KIF13B: variants seen among roughly 807,000 people sequenced by gnomAD.
KIF13B encodes the protein kinesin family member 13B, also known as kinesin-like protein KIF13B.
Under a neutral mutation model 222.0 loss-of-function variants are expected in KIF13B, and 127 were observed. The observed-to-expected ratio is 0.57, with a 90% CI of 0.50 to 0.66. KIF13B has a LOEUF of 0.66. Ranked by LOEUF, KIF13B falls within the 30% of genes least tolerant of loss-of-function variation. The probability of loss-of-function intolerance (pLI) is 0.00; values close to 1 mark genes in which losing one functional copy is unlikely to be tolerated. For missense variants in KIF13B, 2,173 were observed against 2,379.0 expected, an observed-to-expected ratio of 0.91 and a Z score of 1.80; for synonymous variants, 976 against 919.0, an observed-to-expected ratio of 1.06 and a Z score of -1.12.
intron 21 of KIF13B, among the ~76,000 whole-genome samples, chr8:29,134,620 A>G (rs1349212290): frequency 6.6e-6 from 1 of 152,250 alleles, no homozygotes; most frequent in Non-Finnish European, 1.5e-5. Context: ...AATGAAGAAC[A>G]AAATCGGTGT....
chr8:29,186,498 T>C (rs1812934850), intron 5 of KIF13B, 26 bp from the exon 6 acceptor site: 1 of 1,584,294 alleles, frequency 6.3e-7, no homozygotes, highest in Non-Finnish European at 8.6e-7. Context: ...TCAGAGTTAC[T>C]ATTGTCTCTT....
intron 4 of KIF13B, chr8:29,189,638 G>A (rs577675224): frequency 1.3e-5 from 2 of 152,380 alleles, no homozygotes; most frequent in Admixed American, 1.3e-4. Flanking sequence ...GCTCTGACAG[G>A]TGAGGTGATT....
At chr8:29,224,239 G>A (rs886072153) in intron 2 of KIF13B, among the ~76,000 whole-genome samples, 2 of 151,818 alleles carry the variant, frequency 1.3e-5, no homozygotes, top group African/African-American at 4.8e-5. Flanking sequence ...TCCTGACCTC[G>A]TGATCCACCT....
intron 23 of KIF13B, 62 bp from the exon 24 acceptor site, chr8:29,130,727 G>T (rs1810307184): frequency 1.4e-6 from 2 of 1,470,540 alleles, no homozygotes; most frequent in East Asian, 4.5e-5. Flanking sequence ...GGCAGCTTAG[G>T]GTCCTACACA....
In KIF13B at chr8:29,116,842, G is replaced by A. The variant is rs755648168; in HGVS notation, c.3826C>T (p.His1276Tyr). ...VLRKRICVNV[H>Y]GRQGFAQSLL... ...CACTGAAGACTAACCTGGCGGCCGTGAACATTGACACAGATTCTCTTGCGT... is the reference window on the plus strand; with the variant it reads ...CACTGAAGACTAACCTGGCGGCCGTAAACATTGACACAGATTCTCTTGCGT... Residue 1276 changes from histidine to tyrosine, a missense_variant, in exon 31 of 40, where the codon CAC becomes TAC. By Grantham distance (83) the His-to-Tyr change is moderately conservative. Transcript: ENST00000524189. The A allele has an allele frequency of 6.8e-6, 11 of 1,606,714 alleles. No homozygotes were observed. In the South Asian group the frequency reaches 7.7e-5, roughly 11 times the overall value.
At chr8:29,179,128 A>ATTT (rs5890442) in intron 8 of KIF13B, among the ~76,000 whole-genome samples, 1 of 149,098 alleles carries the variant, frequency 6.7e-6, no homozygotes, top group Non-Finnish European at 1.5e-5. Flanking sequence ...ATCAGCTAGA[A>ATTT]TTTTTTTTTT....
At chr8:29,211,575 G>T (rs1814229056) in intron 2 of KIF13B, among the ~76,000 whole-genome samples, 1 of 152,170 alleles carries the variant, frequency 6.6e-6, no homozygotes. Context: ...TCTGCTCAGG[G>T]GCCCTTCAGT....
At chr8:29,176,012 C>A (rs984208376) in intron 10 of KIF13B, 56 bp downstream of exon 10, 5 of 997,360 alleles carry the variant, frequency 5.0e-6, no homozygotes, top group Middle Eastern at 4.1e-4. Context: ...ACTCTTTTTT[C>A]TTCCTTCTTG....
At chr8:29,144,659 G>A (rs898779686) in intron 18 of KIF13B, among the ~76,000 whole-genome samples, 3 of 152,146 alleles carry the variant, frequency 2.0e-5, no homozygotes, top group African/African-American at 7.2e-5. Context: ...TGGCTTTCCT[G>A]GGGGAGAATG....
At chr8:29,141,612 C>T (rs908268188) in intron 19 of KIF13B, among the ~76,000 whole-genome samples, 8 of 152,160 alleles carry the variant, frequency 5.3e-5, no homozygotes, top group African/African-American at 1.4e-4. Flanking sequence ...ATTTTAAATA[C>T]GTATGAGTAC....
intron 35 of KIF13B, among the ~76,000 whole-genome samples, chr8:29,101,660 C>A (rs764772914): frequency 1.5e-4 from 23 of 152,186 alleles, no homozygotes; most frequent in Admixed American, 1.4e-3. Flanking sequence ...GCGTGACAAA[C>A]AGAGACACGG....
At chr8:29,114,376 A>C (rs1809499492) in intron 31 of KIF13B, among the ~76,000 whole-genome samples, 2 of 152,334 alleles carry the variant, frequency 1.3e-5, no homozygotes, top group South Asian at 4.1e-4. Context: ...TTACATTTTT[A>C]AAAGAATATA....
rs368597377 is a variant in KIF13B, at chr8:29,147,433, C to A, written c.1983G>T (p.Ser661=). ...GTCTTAAGCGTTGCTGAGCGCTGGG[C>A]GAGTGGAAAGAAAACCTGTCCATGC... The part of the protein sequence containing the change: ...CRSMDRFSFH[S]PSAQQRLRQW... Residue 661 remains serine (S), a synonymous_variant, in exon 17 of 40, where the codon TCG becomes TCT. Coordinates refer to ENST00000524189, the MANE Select transcript of KIF13B (RefSeq NM_015254.4). 1.2e-6 allele frequency: 2 copies of A among 1,610,732 alleles called. No individual in the cohort carries two copies. Among genetic ancestry groups the A allele is most frequent in the Non-Finnish European group, 1.7e-6 (2 of 1,178,610 alleles).
At chr8:29,110,713 A>G (rs57426417) in intron 32 of KIF13B, 19,588 of 152,276 alleles carry the variant, frequency 0.13, 1,393 homozygotes, top group Middle Eastern at 0.16. Flanking sequence ...GCCCATCCCC[A>G]ATCCTGGGAT....
chr8:29,140,254 C>A (rs1810754561), intron 20 of KIF13B, 63 bp from the exon 21 acceptor site: 1 of 1,595,728 alleles, frequency 6.3e-7, no homozygotes, highest in East Asian at 2.2e-5. Context: ...CTTGAGATGA[C>A]CTCTCTTCTC....
intron 20 of KIF13B, 60 bp from the exon 21 acceptor site, chr8:29,140,251 T>C: frequency 1.2e-6 from 2 of 1,600,264 alleles, no homozygotes; most frequent in Non-Finnish European, 1.7e-6. Context: ...TCCCTTGAGA[T>C]GACCTCTCTT....
rs1466117176 is a variant in KIF13B, at chr8:29,070,106, C to T, written c.*398G>A. On this transcript the variant is annotated 3_prime_UTR_variant, in exon 40 of 40. Coordinates refer to ENST00000524189, the MANE Select transcript of KIF13B (RefSeq NM_015254.4). This position sits in a 1 kb window ranked among gnomAD's most constrained non-coding sequence, Gnocchi z 4.1. ...CTTGCCCTCCAGTGGGGAGGAAAGG[C>T]ACTGGTTACAATTATGGTTTAGGTT... 6 of 196,104 alleles carry T rather than the reference C, an allele frequency of 3.1e-5. No homozygotes were observed. Among genetic ancestry groups the T allele is most frequent in the Non-Finnish European group, 6.2e-5 (6 of 96,622 alleles). The allele number at this position is 196,104 out of a possible 1,614,324, so 12.1% of individuals were successfully genotyped here.
Position 29,250,117 on chromosome 8 carries a change from C to G in KIF13B, c.56-4678G>C, listed in dbSNP as rs183357742. The G allele has an allele frequency of 3.0e-3, 3,337 of 1,130,936 alleles. 6 individuals carry two copies. Among genetic ancestry groups the G allele is most frequent in the Non-Finnish European group, 3.6e-3 (3,078 of 844,668 alleles). 70.1% of individuals were successfully genotyped at this position (1,130,936 alleles called of 1,614,324 possible). On this transcript the variant is annotated intron_variant, in intron 1 of 39. Coordinates refer to ENST00000524189, the MANE Select transcript of KIF13B (RefSeq NM_015254.4). ...ATACACAAGCACATTATCAACTCTCCGGAAATCTACTGTGACTCACCACCC... is the reference window on the plus strand; with the variant it reads ...ATACACAAGCACATTATCAACTCTCGGGAAATCTACTGTGACTCACCACCC...
At chr8:29,183,177 T>G (rs1315522806) in intron 6 of KIF13B, among the ~76,000 whole-genome samples, 1 of 150,018 alleles carries the variant, frequency 6.7e-6, no homozygotes, top group Non-Finnish European at 1.5e-5. Flanking sequence ...TGTTTTTTTT[T>G]TTTTTTTTTT....
Sources: gnomAD v4.1 joint callset for allele counts (sites outside exome capture counted in the v4.1 genomes callset) on GRCh38, gnomAD v4.1.1 for gene constraint, Gnocchi (gnomAD v3.1) non-coding constraint, MANE v1.5 for transcripts, NCBI Gene and HGNC (gene_info 2026-07-23, HGNC 2026-07-21) for gene names.